The following STYXL2 variants were observed in gnomAD, a reference collection of about 807,000 sequenced individuals.
The protein encoded by STYXL2 is serine/threonine/tyrosine interacting like 2, also known as serine/threonine/tyrosine-interacting-like protein 2.
STYXL2 carries 44 observed loss-of-function variants against 52.4 expected under a neutral mutation model. The observed-to-expected ratio is 0.84, with a 90% CI of 0.66 to 1.08. The LOEUF (loss-of-function observed/expected upper bound fraction) is 1.08. STYXL2 is among the 50% of genes least tolerant of loss of function. The probability of loss-of-function intolerance (pLI) is 0.00; values close to 1 mark genes in which losing one functional copy is unlikely to be tolerated. For missense variants in STYXL2, 1,604 were observed against 1,471.7 expected (o/e 1.09, Z -1.47); for synonymous variants, 604 against 586.9 (o/e 1.03, Z -0.42).
In STYXL2 at chr1:167,117,349, G is replaced by C. The variant is rs138492285; in HGVS notation, c.227G>C (p.Arg76Thr). Reference sequence around the variant, plus strand: ...CTAGAACTCAAGCCACCGGGGGTCAGAGCAGACGCAGAGTGTCCAGGCATG... The same window carrying C: ...CTAGAACTCAAGCCACCGGGGGTCACAGCAGACGCAGAGTGTCCAGGCATG... ...INEELKPPGV[R>T]ADAECPGMLE... Residue 76 changes from arginine to threonine, a missense_variant, in exon 4 of 6, where the codon AGA becomes ACA. Physicochemically the swap from Arg to Thr is moderately conservative, Grantham distance 71. Coordinates refer to ENST00000361200, the MANE Select transcript of STYXL2 (RefSeq NM_001080426.3). 3 of 1,610,202 alleles carry C rather than the reference G, an allele frequency of 1.9e-6. No individual in the cohort carries two copies. The African/African-American group carries it at 4.0e-5, about 22-fold the overall frequency.
intron 2 of STYXL2, among the ~76,000 whole-genome samples, chr1:167,097,664 A>G (rs957726188): frequency 2.0e-5 from 3 of 151,952 alleles, no homozygotes; most frequent in Non-Finnish European, 4.4e-5. Flanking sequence ...GAAAAAGAAC[A>G]ACTGTCTCCA....
chr1:167,118,573 G>A (rs1053341987), intron 4 of STYXL2, among the ~76,000 whole-genome samples: 1 of 152,120 alleles, frequency 6.6e-6, no homozygotes, highest in Non-Finnish European at 1.5e-5. Context: ...CCCAGGCATC[G>A]CCAGGTATCC....
chr1:167,128,703 A>G lies in STYXL2; in HGVS notation c.*95A>G, dbSNP rs1055748561. 6.1e-6 allele frequency: 9 copies of G among 1,467,398 alleles called. No individual in the cohort carries two copies. Among genetic ancestry groups the G allele is most frequent in the Middle Eastern group, 2.3e-4 (1 of 4,302 alleles). The allele number at this position is 1,467,398 out of a possible 1,614,324, so 90.9% of individuals were successfully genotyped here. A position where few individuals can be genotyped will look rare whatever the true frequency, so the allele number is the denominator to read the frequency against. ...ACCACTCATCGCAGGATGAGGATAC[A>G]GAGAGGATCTTCCAGAGGGGCAGAG... On this transcript the variant is annotated 3_prime_UTR_variant, in exon 6 of 6. Transcript: ENST00000361200.
intron 1 of STYXL2, chr1:167,094,453 G>A (rs574588051): frequency 4.7e-5 from 11 of 234,520 alleles, no homozygotes; most frequent in East Asian, 2.2e-4. Flanking sequence ...GGTGAGGGGC[G>A]TGTGTGTATG....
rs78468836 is a variant in STYXL2, at chr1:167,107,054, G to A, written c.111-6656G>A. ...TTTTCTGTTTCATATGGCATCAGCT[G>A]GAGTGGCCTGATGGGCTGCAAGGTC... is the stretch of plus-strand genomic sequence containing the variant. On this transcript the variant is annotated intron_variant, in intron 2 of 5. Coordinates refer to ENST00000361200, the MANE Select transcript of STYXL2 (RefSeq NM_001080426.3). Among the ~76,000 whole-genome samples the A allele has an allele frequency of 2.8e-3, 425 of 152,288 alleles. 6 individuals carry two copies. Among genetic ancestry groups the A allele is most frequent in the African/African-American group, 9.3e-3 (385 of 41,546 alleles).
At chr1:167,119,147 C>G in intron 4 of STYXL2, 102 bp from the exon 5 acceptor site, 2 of 1,064,536 alleles carry the variant, frequency 1.9e-6, no homozygotes, top group Non-Finnish European at 1.4e-6. Context: ...AGGCACTTGC[C>G]CAGCTGTGGC....
rs1667981257 is a variant in STYXL2 at position 167,126,824 on chromosome 1, G to A, written c.1693G>A (p.Asp565Asn). 6.2e-7 allele frequency: 1 copy of A among 1,614,228 alleles called. No homozygotes were observed. Among genetic ancestry groups the A allele is most frequent in the Non-Finnish European group, 8.5e-7 (1 of 1,180,036 alleles). The change falls in exon 6 of 6, where the codon GAC becomes AAC. Residue 565 changes from aspartate to asparagine, a missense_variant. Coordinates refer to ENST00000361200, the MANE Select transcript of STYXL2 (RefSeq NM_001080426.3). ...GFHKKDLGAG[D>N]SSGEPGAEEA... ...TCACAAGAAAGACTTGGGAGCGGGAGACAGCAGCGGTGAGCCCGGTGCAGA... is the reference window on the plus strand; with the variant it reads ...TCACAAGAAAGACTTGGGAGCGGGAAACAGCAGCGGTGAGCCCGGTGCAGA...
intron 3 of STYXL2, 43 bp from the exon 4 acceptor site, chr1:167,117,285 A>T: frequency 6.6e-7 from 1 of 1,508,706 alleles, no homozygotes; most frequent in South Asian, 1.2e-5. Context: ...GAAGGCCATG[A>T]TGTTCCTAAC....
At chr1:167,095,921 A>G (rs1161930489) in intron 2 of STYXL2, among the ~76,000 whole-genome samples, 1 of 152,132 alleles carries the variant, frequency 6.6e-6, no homozygotes, top group East Asian at 1.9e-4. Context: ...CCAGTGGAGT[A>G]AGACAGGAAT....
At position 167,128,484 on chromosome 1, in the gene STYXL2, C is replaced by A; in HGVS notation, c.3353C>A (p.Ser1118Tyr). The A allele has an allele frequency of 6.2e-7, 1 of 1,613,876 alleles. No individual in the cohort carries two copies. The highest frequency in any genetic ancestry group is 1.7e-5 in the Admixed American group (1 of 59,994). Residue 1118 changes from serine to tyrosine, a missense_variant, in exon 6 of 6, where the codon TCC (serine) becomes TAC (tyrosine). Coordinates refer to ENST00000361200, the MANE Select transcript of STYXL2 (RefSeq NM_001080426.3). ...EEGRFASGRR[S>Y]QYRRSTDREE... is the part of the protein sequence containing the mutation. Reference sequence around the variant, plus strand: ...GGGAGGTTTGCATCTGGACGGCGGTCCCAGTATCGGAGAAGCACTGACAGG... The same window carrying A: ...GGGAGGTTTGCATCTGGACGGCGGTACCAGTATCGGAGAAGCACTGACAGG...
At chr1:167,102,901 T>G (rs1176372553) in intron 2 of STYXL2, among the ~76,000 whole-genome samples, 3 of 134,656 alleles carry the variant, frequency 2.2e-5, no homozygotes, top group African/African-American at 5.3e-5. Flanking sequence ...TTAGTCCTTG[T>G]ACTAGTTTCC....
rs533498775 is a variant in STYXL2, at chr1:167,126,518, G to A, written c.1387G>A (p.Gly463Ser). 179 of 1,612,906 alleles carry A rather than the reference G, an allele frequency of 1.1e-4. No homozygotes were observed. The East Asian group carries it at 3.7e-3, about 33-fold the overall frequency. ...GCTGGAGCTGAACCGCCCGGACCACGGCAGGAGGCGCCGCGCAGACTCGAT... is the reference window on the plus strand; with the variant it reads ...GCTGGAGCTGAACCGCCCGGACCACAGCAGGAGGCGCCGCGCAGACTCGAT... ...QQLELNRPDHGRRRRADSMSS... is the reference protein window; with the variant it reads ...QQLELNRPDHSRRRRADSMSS... The change falls in exon 6 of 6, where the codon GGC (glycine) becomes AGC (serine). Residue 463 changes from glycine to serine, a missense_variant. Transcript: ENST00000361200.
chr1:167,116,056 A>G (rs566367474), intron 3 of STYXL2, among the ~76,000 whole-genome samples: 1 of 152,284 alleles, frequency 6.6e-6, no homozygotes, highest in Non-Finnish European at 1.5e-5. Flanking sequence ...ACTGCCCATC[A>G]GGGAAGAGAT....
Position 167,127,444 on chromosome 1 carries a change from T to C in STYXL2, c.2313T>C (p.Leu771=). ...TGGGGGATGACCAAGTCTCCATGCT[T>C]AGTGGACACAGCAGCTCCTCCTTGG... The part of the protein sequence containing the change: ...SCLGDDQVSM[L]SGHSSSSLGG... Residue 771 remains leucine (L), a synonymous_variant, in exon 6 of 6, where the codon CTT becomes CTC. Transcript: ENST00000361200. The C allele has an allele frequency of 6.2e-7, 1 of 1,614,046 alleles. No individual in the cohort carries two copies. Among genetic ancestry groups the C allele is most frequent in the Non-Finnish European group, 8.5e-7 (1 of 1,179,986 alleles).
At chr1:167,125,723 C>G in intron 5 of STYXL2, 64 bp from the exon 6 acceptor site, 3 of 1,498,792 alleles carry the variant, frequency 2.0e-6, no homozygotes, top group Non-Finnish European at 2.7e-6. Context: ...AGAAAACAAA[C>G]AAACAAGAAC....
intron 3 of STYXL2, among the ~76,000 whole-genome samples, chr1:167,114,145 G>A (rs2102235932): frequency 6.6e-6 from 1 of 152,196 alleles, no homozygotes; most frequent in East Asian, 1.9e-4. Context: ...GCATCCAGAG[G>A]GTTCTCTTCC....
rs776148882 is a variant in STYXL2 at position 167,126,437 on chromosome 1, G to A, written c.1306G>A (p.Glu436Lys). The change falls in exon 6 of 6, where the codon GAG (glutamate) becomes AAG (lysine). Residue 436 changes from glutamate to lysine, a missense_variant. Physicochemically the swap from Glu to Lys is moderately conservative, Grantham distance 56. Coordinates refer to ENST00000361200, the MANE Select transcript of STYXL2 (RefSeq NM_001080426.3). Reference sequence around the variant, plus strand: ...GGGGAGGCGGCGGCGCACCCTGAGCGAGAGCAGCGCCTGGGAGAGCGTGAG... The same window carrying A: ...GGGGAGGCGGCGGCGCACCCTGAGCAAGAGCAGCGCCTGGGAGAGCGTGAG... Reference protein sequence around the residue: ...SVGRRRRTLSESSAWESVSSH... With the variant: ...SVGRRRRTLSKSSAWESVSSH... 4.4e-6 allele frequency: 7 copies of A among 1,573,340 alleles called. No individual in the cohort carries two copies. In the African/African-American group the frequency reaches 9.4e-5, roughly 21 times the overall value.
At chr1:167,100,808 C>A (rs1667387806) in intron 2 of STYXL2, among the ~76,000 whole-genome samples, 1 of 152,172 alleles carries the variant, frequency 6.6e-6, no homozygotes, top group Non-Finnish European at 1.5e-5. Flanking sequence ...AGAAACTTAT[C>A]CCAAATCATC....
intron 2 of STYXL2, among the ~76,000 whole-genome samples, chr1:167,103,920 G>A (rs1395730694): frequency 6.6e-6 from 1 of 152,118 alleles, no homozygotes; most frequent in Admixed American, 6.5e-5. Context: ...AGGAGATCGA[G>A]ACCATCCTGG....
Sources: gnomAD v4.1 joint callset for allele counts (sites outside exome capture counted in the v4.1 genomes callset) on GRCh38, gnomAD v4.1.1 for gene constraint, MANE v1.5 for transcripts, NCBI Gene and HGNC (gene_info 2026-07-23, HGNC 2026-07-21) for gene names.